The following CPHXL variants were observed in gnomAD, a reference collection of about 807,000 sequenced individuals.
CPHXL encodes the protein cytoplasmic polyadenylated homeobox-like protein.
At position 75,718,206 on chromosome 16, in the gene CPHXL, G is replaced by A. The variant is rs1959421067; in HGVS notation, c.219+59C>T. ...GTGCATCTGCCTGTGTGATAGGAGT[G>A]AGACCTTGTCTAAAAAAAAAAAAAT... On this transcript the variant is annotated intron_variant, in intron 2 of 2. Transcript: ENST00000640559. The A allele has an allele frequency of 1.5e-5, 6 of 397,068 alleles. No homozygotes were observed. The South Asian group carries it at 7.8e-4, about 52-fold the overall frequency. 24.6% of individuals were successfully genotyped at this position (397,068 alleles called of 1,614,324 possible).
Position 75,726,490 on chromosome 16 carries a change from A to G in CPHXL, c.-48T>C, listed in dbSNP as rs1283984916. On this transcript the variant is annotated 5_prime_UTR_variant, in exon 1 of 3. Transcript: ENST00000640559. The stretch of plus-strand genomic sequence containing the variant: ...TCACGGAGACCAGCAAGCAACTGAG[A>G]TCAGCAAGCAACTGAGCAGCTCCTA... 2.0e-5 allele frequency: 8 copies of G among 398,468 alleles called. No homozygotes were observed. The East Asian group carries it at 2.8e-4, about 14-fold the overall frequency. 24.7% of individuals were successfully genotyped at this position (398,468 alleles called of 1,614,324 possible).
At chr16:75,716,446 A>G (rs958443142) in intron 2 of CPHXL, among the ~76,000 whole-genome samples, 6 of 152,182 alleles carry the variant, frequency 3.9e-5, no homozygotes, top group Non-Finnish European at 5.9e-5. Context: ...TGGCTCACAG[A>G]ACTAAGTGAA....
At chr16:75,721,364 C>G (rs1341535264) in intron 1 of CPHXL, among the ~76,000 whole-genome samples, 1 of 152,134 alleles carries the variant, frequency 6.6e-6, no homozygotes. Context: ...ACACATCTCA[C>G]GTGCAGAGAC....
At chr16:75,719,374 C>T (rs187010205) in intron 1 of CPHXL, among the ~76,000 whole-genome samples, 35 of 152,224 alleles carry the variant, frequency 2.3e-4, no homozygotes, top group Admixed American at 6.5e-4. Context: ...GGGTGACAGA[C>T]GGCACCAGGA....
intron 1 of CPHXL, among the ~76,000 whole-genome samples, chr16:75,722,059 G>C (rs921561513): frequency 2.6e-5 from 4 of 152,144 alleles, no homozygotes; most frequent in African/African-American, 9.7e-5. Flanking sequence ...AAACCAATGA[G>C]AACAAAGACC....
chr16:75,714,596 G>C lies in CPHXL; in HGVS notation c.846C>G (p.Tyr282Ter). 1 of 398,626 alleles carries C rather than the reference G, an allele frequency of 2.5e-6. No homozygotes were observed. Among genetic ancestry groups the C allele is most frequent in the Non-Finnish European group, 4.4e-6 (1 of 226,076 alleles). The allele number at this position is 398,626 out of a possible 1,614,324, so 24.7% of individuals were successfully genotyped here. ...SQHASPFLLD[Y>*]AQGAYGVKKD... ...TCTTCACCCCATATGCACCTTGAGC[G>C]TAATCCAAAAGGAAAGGACTTGCAT... Residue 282 changes from tyrosine to a stop codon, truncating the protein, a stop_gained, in exon 3 of 3, where the codon TAC becomes TAG. Transcript: ENST00000640559. LOFTEE classifies it low-confidence loss of function (END_TRUNC).
At chr16:75,722,403 A>G (rs1959490931) in intron 1 of CPHXL, among the ~76,000 whole-genome samples, 1 of 152,190 alleles carries the variant, frequency 6.6e-6, no homozygotes, top group Admixed American at 6.5e-5. Context: ...AATAGACACA[A>G]TAAAAAGTGA....
rs1264233143 is a variant in CPHXL at position 75,723,686 on chromosome 16, TTA to T, written c.25+2730_25+2731del. 2.0e-5 allele frequency among the ~76,000 whole-genome samples: 3 copies of T among 152,146 alleles called. No homozygotes were observed. In the East Asian group the frequency reaches 5.8e-4, roughly 29 times the overall value. The stretch of plus-strand genomic sequence containing the variant: ...AAATGGCCATACTACCCAAGGTAAT[TTA>T]TAGATTCAATGCCATCCCCATCAAG... On this transcript the variant is annotated intron_variant, in intron 1 of 2. Coordinates refer to ENST00000640559, the MANE Select transcript of CPHXL (RefSeq NM_001355613.1).
chr16:75,717,297 A>AG (rs1959405882), intron 2 of CPHXL, among the ~76,000 whole-genome samples: 1 of 152,202 alleles, frequency 6.6e-6, no homozygotes, highest in African/African-American at 2.4e-5. Context: ...ACAAGTACAT[A>AG]ATACTATTTT....
At chr16:75,719,036 G>C (rs1252203259) in intron 1 of CPHXL, among the ~76,000 whole-genome samples, 5 of 151,918 alleles carry the variant, frequency 3.3e-5, no homozygotes, top group Non-Finnish European at 5.9e-5. Context: ...CACGAGTGTA[G>C]TTGATTTGTG....
Position 75,718,389 on chromosome 16 carries a change from C to G in CPHXL, c.95G>C (p.Arg32Pro), listed in dbSNP as rs941470941. The change falls in exon 2 of 3, where the codon CGA (arginine) becomes CCA (proline). Residue 32 changes from arginine (R) to proline (P), a missense_variant. Physicochemically the swap from Arg to Pro is moderately radical, Grantham distance 103. Transcript: ENST00000640559. ...CAGTAATTCTTCAGAAAATTTATGT[C>G]GGTGTTTTGTTTTTCTTTTATTCTT... is the stretch of plus-strand genomic sequence containing the variant. The part of the protein sequence containing the change: ...QTKNKRKTKH[R>P]HKFSEELLQE... The G allele has an allele frequency of 3.5e-5, 14 of 398,628 alleles. No individual in the cohort carries two copies. In the East Asian group the frequency reaches 5.0e-4, roughly 14 times the overall value. 24.7% of individuals were successfully genotyped at this position (398,628 alleles called of 1,614,324 possible). A position where few individuals can be genotyped will look rare whatever the true frequency, so the allele number is the denominator to read the frequency against.
At chr16:75,725,638 G>C (rs1480432593) in intron 1 of CPHXL, among the ~76,000 whole-genome samples, 1 of 151,188 alleles carries the variant, frequency 6.6e-6, no homozygotes, top group East Asian at 2.0e-4. Context: ...ATTTTTAGTA[G>C]AGACGGGGTT....
intron 1 of CPHXL, among the ~76,000 whole-genome samples, chr16:75,724,926 C>T (rs1389308987): frequency 6.6e-6 from 1 of 152,016 alleles, no homozygotes; most frequent in Non-Finnish European, 1.5e-5. Context: ...ACATATATAC[C>T]ACAGAATACT....
At chr16:75,719,654 C>T (rs888751947) in intron 1 of CPHXL, among the ~76,000 whole-genome samples, 2 of 152,216 alleles carry the variant, frequency 1.3e-5, no homozygotes, top group Non-Finnish European at 2.9e-5. Context: ...GCCTGCCTGC[C>T]TCTCTAGACT....
intron 1 of CPHXL, among the ~76,000 whole-genome samples, chr16:75,722,759 AGTATCATCCT>A (rs1487197457): frequency 6.6e-6 from 1 of 152,232 alleles, no homozygotes; most frequent in Non-Finnish European, 1.5e-5. Context: ...TTATGAGGCC[AGTATCATCCT>A]GATACCAAAG....
intron 1 of CPHXL, among the ~76,000 whole-genome samples, chr16:75,721,166 C>T (rs2151839548): frequency 6.6e-6 from 1 of 152,282 alleles, no homozygotes; most frequent in East Asian, 1.9e-4. Flanking sequence ...TTGTTAAGAC[C>T]ATCGAGGCTA....
At chr16:75,720,492 A>G (rs1959461602) in intron 1 of CPHXL, among the ~76,000 whole-genome samples, 1 of 152,220 alleles carries the variant, frequency 6.6e-6, no homozygotes, top group Non-Finnish European at 1.5e-5. Context: ...CAACTGGAAG[A>G]AAGGGCATCA....
At chr16:75,722,951 A>C (rs932650743) in intron 1 of CPHXL, among the ~76,000 whole-genome samples, 8 of 152,146 alleles carry the variant, frequency 5.3e-5, no homozygotes, top group South Asian at 2.1e-4. Flanking sequence ...TCAACATACG[A>C]AAATCAATAA....
chr16:75,725,460 T>G (rs1959542441), intron 1 of CPHXL, among the ~76,000 whole-genome samples: 1 of 151,230 alleles, frequency 6.6e-6, no homozygotes. Context: ...TCCTCTTTTT[T>G]TTTTTTTTTT....
Sources: allele counts gnomAD v4.1 joint callset (sites outside exome capture counted in the v4.1 genomes callset), GRCh38; gene constraint gnomAD v4.1.1; transcripts MANE v1.5; gene names NCBI Gene and HGNC (gene_info 2026-07-23, HGNC 2026-07-21).